The following FRS2 variants were observed in gnomAD, a reference collection of about 807,000 sequenced individuals.
FRS2 encodes the protein fibroblast growth factor receptor substrate 2, also known as FGFR signalling adaptor.
FRS2 carries 8 observed loss-of-function variants against 43.9 expected under a neutral mutation model. The observed-to-expected ratio is 0.18, with a 90% CI of 0.11 to 0.33. The LOEUF (loss-of-function observed/expected upper bound fraction) is 0.33. FRS2 is among the 10% of genes least tolerant of loss of function. The pLI is 1.00. For synonymous variants in FRS2, 219 were observed against 220.3 expected (o/e 0.99, Z 0.05); for missense variants, 534 against 627.6 (o/e 0.85, Z 1.59).
intron 1 of FRS2, among the ~76,000 whole-genome samples, chr12:69,490,896 C>T (rs1226007182): frequency 6.6e-6 from 1 of 152,184 alleles, no homozygotes; most frequent in Admixed American, 6.5e-5. Flanking sequence ...ATTAGAGGAT[C>T]TGAGAGAATG....
intron 1 of FRS2, among the ~76,000 whole-genome samples, chr12:69,472,000 C>T (rs887484702): frequency 5.3e-4 from 81 of 152,176 alleles, no homozygotes; most frequent in Admixed American, 1.4e-3. Context: ...TGATTTTGAA[C>T]AGGCAAAGGG....
At chr12:69,542,093 A>G (rs892749358) in intron 3 of FRS2, among the ~76,000 whole-genome samples, 1 of 152,180 alleles carries the variant, frequency 6.6e-6, no homozygotes, top group African/African-American at 2.4e-5. Flanking sequence ...AAGAGCATTT[A>G]TTGCCTCTAC....
intron 1 of FRS2, among the ~76,000 whole-genome samples, chr12:69,474,434 A>C (rs973425436): frequency 5.9e-5 from 9 of 151,944 alleles, no homozygotes; most frequent in Admixed American, 3.9e-4. Flanking sequence ...AAGAAAAAAA[A>C]AACTTCTGTT....
intron 1 of FRS2, among the ~76,000 whole-genome samples, chr12:69,514,906 A>G (rs1874837945): frequency 6.6e-6 from 1 of 152,066 alleles, no homozygotes; most frequent in Admixed American, 6.6e-5. Context: ...CTGAAATCAT[A>G]TGGCAGGAGA....
At chr12:69,500,328 A>G (rs1006215165) in intron 1 of FRS2, among the ~76,000 whole-genome samples, 2 of 152,220 alleles carry the variant, frequency 1.3e-5, no homozygotes, top group East Asian at 1.9e-4. Flanking sequence ...TATTGTATAC[A>G]TTCTACCTAA....
chr12:69,565,862 T>C (rs760493919), intron 4 of FRS2, among the ~76,000 whole-genome samples: 3 of 152,186 alleles, frequency 2.0e-5, no homozygotes, highest in Non-Finnish European at 4.4e-5. Flanking sequence ...TCTGATATAA[T>C]AGTAAGATAC....
intron 1 of FRS2, among the ~76,000 whole-genome samples, chr12:69,476,754 G>A (rs1211484722): frequency 7.8e-4 from 20 of 25,708 alleles, no homozygotes; most frequent in African/African-American, 5.6e-3. Flanking sequence ...GGGGAGGGAC[G>A]GGGGGGGGTG....
intron 3 of FRS2, among the ~76,000 whole-genome samples, chr12:69,542,349 C>T (rs1877991474): frequency 6.6e-6 from 1 of 152,094 alleles, no homozygotes; most frequent in East Asian, 1.9e-4. Context: ...CCTGCAAATT[C>T]AATCAGCCAC....
chr12:69,499,977 G>GT (rs1873290266), intron 1 of FRS2, among the ~76,000 whole-genome samples: 1 of 152,042 alleles, frequency 6.6e-6, no homozygotes, highest in African/African-American at 2.4e-5. Context: ...TGACACTTCA[G>GT]TTTTTTTGAG....
At chr12:69,555,546 A>C (rs1473947922) in intron 3 of FRS2, among the ~76,000 whole-genome samples, 1 of 152,242 alleles carries the variant, frequency 6.6e-6, no homozygotes, top group African/African-American at 2.4e-5. Flanking sequence ...TTGACCCTTT[A>C]ACAACACAGG....
At chr12:69,522,064 C>T (rs1875712002) in intron 1 of FRS2, among the ~76,000 whole-genome samples, 1 of 152,058 alleles carries the variant, frequency 6.6e-6, no homozygotes, top group Non-Finnish European at 1.5e-5. Flanking sequence ...AACTTGCATC[C>T]CAGGGATAAA....
At chr12:69,518,569 C>T (rs1266828960) in intron 1 of FRS2, among the ~76,000 whole-genome samples, 2 of 152,038 alleles carry the variant, frequency 1.3e-5, no homozygotes, top group Middle Eastern at 3.4e-3. Context: ...ATATAATTAG[C>T]TGGGTGTGGT....
intron 1 of FRS2, among the ~76,000 whole-genome samples, chr12:69,485,199 T>G (rs1034540741): frequency 1.3e-4 from 18 of 140,366 alleles, no homozygotes; most frequent in Non-Finnish European, 2.6e-4. Context: ...TTATTTATTT[T>G]TGAGACGGAG....
intron 4 of FRS2, among the ~76,000 whole-genome samples, chr12:69,565,483 CT>C (rs776542451): frequency 7.9e-5 from 12 of 152,096 alleles, no homozygotes; most frequent in Non-Finnish European, 1.6e-4. Context: ...TTTTTTGAAA[CT>C]TTTTGACTCT....
At chr12:69,567,463 C>G (rs1004434283) in intron 4 of FRS2, among the ~76,000 whole-genome samples, 2 of 152,078 alleles carry the variant, frequency 1.3e-5, no homozygotes, top group Non-Finnish European at 2.9e-5. Context: ...TGCTAGGTAT[C>G]GTGTTAGGTA....
At chr12:69,501,476 C>A (rs769682136) in intron 1 of FRS2, among the ~76,000 whole-genome samples, 1 of 152,192 alleles carries the variant, frequency 6.6e-6, no homozygotes, top group Non-Finnish European at 1.5e-5. Context: ...AATTAGATAT[C>A]TCTTGCTGTT....
intron 1 of FRS2, among the ~76,000 whole-genome samples, chr12:69,524,705 C>T (rs1293947371): frequency 6.6e-6 from 1 of 152,164 alleles, no homozygotes; most frequent in African/African-American, 2.4e-5. Flanking sequence ...ATGGGCATCC[C>T]TGGCCGTGTT....
intron 3 of FRS2, among the ~76,000 whole-genome samples, chr12:69,538,811 A>C (rs999023525): frequency 6.6e-6 from 1 of 152,210 alleles, no homozygotes; most frequent in Non-Finnish European, 1.5e-5. Context: ...AAAAAGTGAT[A>C]ATACCCTATC....
At chr12:69,516,826 T>G (rs1161388958) in intron 1 of FRS2, among the ~76,000 whole-genome samples, 1 of 152,238 alleles carries the variant, frequency 6.6e-6, no homozygotes, top group Non-Finnish European at 1.5e-5. Flanking sequence ...TTATATATTC[T>G]TCTATTCTGC....
Sources: allele counts gnomAD v4.1 joint callset (sites outside exome capture counted in the v4.1 genomes callset), GRCh38; gene constraint gnomAD v4.1.1; transcripts MANE v1.5; gene names NCBI Gene and HGNC (gene_info 2026-07-23, HGNC 2026-07-21).